The following SLFN11 variants were observed in gnomAD, a reference collection of about 807,000 sequenced individuals.
The protein encoded by SLFN11 is schlafen family member 11.
In SLFN11, 43 loss-of-function variants were observed where a neutral mutation model predicts 53.4. The observed-to-expected ratio is 0.80, with a 90% CI of 0.63 to 1.04. The LOEUF is 1.04. Ranked by LOEUF, SLFN11 falls within the 50% of genes least tolerant of loss-of-function variation. SLFN11 has a pLI of 0.00. For synonymous variants in SLFN11, 389 were observed against 394.7 expected (o/e 0.99, Z 0.17); for missense variants, 990 against 1,079.1 (o/e 0.92, Z 1.16).
chr17:35,372,547 A>T (rs1410733974), intron 1 of SLFN11, among the ~76,000 whole-genome samples: 1 of 152,092 alleles, frequency 6.6e-6, no homozygotes, highest in Non-Finnish European at 1.5e-5. Flanking sequence ...GCATGTCTGT[A>T]TCAAAACATC....
At chr17:35,372,659 G>C (rs946706478) in intron 1 of SLFN11, among the ~76,000 whole-genome samples, 1 of 151,936 alleles carries the variant, frequency 6.6e-6, no homozygotes, top group Admixed American at 6.6e-5. Flanking sequence ...TAACACAAAG[G>C]ATAAATGCTT....
In SLFN11 at chr17:35,362,803, C is replaced by G. The variant is rs1908398538; in HGVS notation, c.1005G>C (p.Glu335Asp). ...FSEAPNSWIV[E>D]DKYVCSLTTE... ...TTGTCAGGCTGCAGACGTACTTGTC[C>G]TCCACTATCCATGAATTGGGAGCTT... Residue 335 changes from glutamate (E) to aspartate (D), a missense_variant, in exon 4 of 7, where the codon GAG (glutamate) becomes GAC (aspartate). Coordinates refer to ENST00000685675, the MANE Select transcript of SLFN11 (RefSeq NM_001376007.1). 6.2e-7 allele frequency: 1 copy of G among 1,610,494 alleles called. No homozygotes were observed. The highest frequency in any genetic ancestry group is 1.3e-5 in the African/African-American group (1 of 74,766).
chr17:35,359,417 G>A (rs1245698397), intron 5 of SLFN11, among the ~76,000 whole-genome samples: 1 of 152,078 alleles, frequency 6.6e-6, no homozygotes, highest in African/African-American at 2.4e-5. Flanking sequence ...AATGATCCTT[G>A]ACAGATATTT....
rs1400434778 is a variant in SLFN11, at chr17:35,351,622, T to C, written c.*734A>G. The C allele has an allele frequency of 6.6e-6, 1 of 152,244 alleles. No individual in the cohort carries two copies. Among genetic ancestry groups the C allele is most frequent in the Non-Finnish European group, 1.5e-5 (1 of 68,048 alleles). 9.4% of individuals were successfully genotyped at this position (152,244 alleles called of 1,614,324 possible). A position where few individuals can be genotyped will look rare whatever the true frequency, so the allele number is the denominator to read the frequency against. On this transcript the variant is annotated 3_prime_UTR_variant, in exon 7 of 7. Transcript: ENST00000685675. ...AACCAGATTTTGGTCTCTAATATCA[T>C]CTTCCACTGAAAGCCAGGGCAAACA...
At position 35,363,052 on chromosome 17, in the gene SLFN11, A is replaced by G. The variant is rs1567823640; in HGVS notation, c.756T>C (p.Asp252=). The part of the protein sequence containing the change: ...GGGYLFIGVD[D]KSREVLGCAK... ...CACATCCCAGGACTTCCCTACTCTTATCATCCACTCCAATAAAAAGATAGC... is the reference window on the plus strand; with the variant it reads ...CACATCCCAGGACTTCCCTACTCTTGTCATCCACTCCAATAAAAAGATAGC... The change falls in exon 4 of 7, where the codon GAT becomes GAC. Residue 252 remains aspartate, a synonymous_variant. Coordinates refer to ENST00000685675, the MANE Select transcript of SLFN11 (RefSeq NM_001376007.1). 6.2e-7 allele frequency: 1 copy of G among 1,614,052 alleles called. No homozygotes were observed. Among genetic ancestry groups the G allele is most frequent in the Non-Finnish European group, 8.5e-7 (1 of 1,179,982 alleles).
At chr17:35,366,564 T>C (rs1908983481) in intron 3 of SLFN11, among the ~76,000 whole-genome samples, 1 of 152,086 alleles carries the variant, frequency 6.6e-6, no homozygotes, top group South Asian at 2.1e-4. Flanking sequence ...ATAAACTATT[T>C]TGAAGTCATC....
chr17:35,363,790 G>T lies in SLFN11; in HGVS notation c.18C>A (p.Cys6Ter), dbSNP rs375529130. 1 of 1,577,974 alleles carries T rather than the reference G, an allele frequency of 6.3e-7. No individual in the cohort carries two copies. Among genetic ancestry groups the T allele is most frequent in the African/African-American group, 1.4e-5 (1 of 73,224 alleles). The change falls in exon 4 of 7, where the codon TGC becomes TGA. Residue 6 changes from cysteine (C) to a stop codon, truncating the protein, a stop_gained. Coordinates refer to ENST00000685675, the MANE Select transcript of SLFN11 (RefSeq NM_001376007.1). LOFTEE classifies it high-confidence loss of function. MEANQ[C>*]PLVVEPSYPD... ...GGTAAGATGGTTCCACAACCAGGGG[G>T]CACTGATTTGCCTCCATGTTGAACT...
chr17:35,352,258 G>T lies in SLFN11; in HGVS notation c.*98C>A, dbSNP rs567151926. The T allele has an allele frequency of 4.7e-5, 69 of 1,463,192 alleles. No individual in the cohort carries two copies. In the African/African-American group the frequency reaches 8.7e-4, roughly 18 times the overall value. 90.6% of individuals were successfully genotyped at this position (1,463,192 alleles called of 1,614,324 possible). A position where few individuals can be genotyped will look rare whatever the true frequency, so the allele number is the denominator to read the frequency against. Reference sequence around the variant, plus strand: ...GCTCCAAACTCTTTGTGTCAGCTCCGTCCAAATCTCTGACTTGTGAACTAA... The same window carrying T: ...GCTCCAAACTCTTTGTGTCAGCTCCTTCCAAATCTCTGACTTGTGAACTAA... On this transcript the variant is annotated 3_prime_UTR_variant, in exon 7 of 7. Transcript: ENST00000685675.
rs1280988757 is a variant in SLFN11, at chr17:35,366,611, G to A, written c.-20+336C>T. Among the ~76,000 whole-genome samples, 2 of 151,980 alleles carry A rather than the reference G, an allele frequency of 1.3e-5. 1 individual carries two copies. The highest frequency in any genetic ancestry group is 2.9e-5 in the Non-Finnish European group (2 of 68,006). On this transcript the variant is annotated intron_variant, in intron 3 of 6. Coordinates refer to ENST00000685675, the MANE Select transcript of SLFN11 (RefSeq NM_001376007.1). ...CAATATGTAGAAGCAGACTATCACAGCCTTATTTTCCTTTCCTACAAAAAT... is the reference window on the plus strand; with the variant it reads ...CAATATGTAGAAGCAGACTATCACAACCTTATTTTCCTTTCCTACAAAAAT...
At chr17:35,371,068 T>G (rs1909586984) in intron 1 of SLFN11, among the ~76,000 whole-genome samples, 2 of 152,064 alleles carry the variant, frequency 1.3e-5, no homozygotes, top group African/African-American at 4.8e-5. Context: ...GACCTCAAAT[T>G]ATACTACAGA....
chr17:35,366,435 C>T (rs1567826778), intron 3 of SLFN11, among the ~76,000 whole-genome samples: 2 of 151,936 alleles, frequency 1.3e-5, no homozygotes, highest in African/African-American at 2.4e-5. Context: ...AAATACTTTG[C>T]ATCATTATTT....
chr17:35,357,269 T>A (rs948248153), intron 5 of SLFN11, among the ~76,000 whole-genome samples: 5 of 151,844 alleles, frequency 3.3e-5, no homozygotes, highest in Non-Finnish European at 7.4e-5. Flanking sequence ...TTTCTACTGG[T>A]CATGGTCATT....
In SLFN11 at chr17:35,367,636, T is replaced by C. The variant is rs1297220927; in HGVS notation, c.-170A>G. 1 of 152,122 alleles carries C rather than the reference T, an allele frequency of 6.6e-6. No individual in the cohort carries two copies. Among genetic ancestry groups the C allele is most frequent in the Non-Finnish European group, 1.5e-5 (1 of 68,036 alleles). The allele number at this position is 152,122 out of a possible 1,614,324, so 9.4% of individuals were successfully genotyped here. A position where few individuals can be genotyped will look rare whatever the true frequency, so the allele number is the denominator to read the frequency against. ...GTAGCCAGAGTTCCCACCAACACAG[T>C]GAATTAGCACCACCTGCTATCTCTT... On this transcript the variant is annotated 5_prime_UTR_variant, in exon 2 of 7. Transcript: ENST00000685675.
chr17:35,372,932 T>C (rs1909876025), intron 1 of SLFN11, among the ~76,000 whole-genome samples: 1 of 152,102 alleles, frequency 6.6e-6, no homozygotes, highest in African/African-American at 2.4e-5. Flanking sequence ...TTTTCTCATT[T>C]CTCCCCCCTC....
At chr17:35,372,176 C>T (rs1043392028) in intron 1 of SLFN11, among the ~76,000 whole-genome samples, 17 of 152,118 alleles carry the variant, frequency 1.1e-4, no homozygotes, top group Admixed American at 6.5e-4. Context: ...TGCAACAACA[C>T]GAATGGAACT....
Position 35,363,785 on chromosome 17 carries a change from A to G in SLFN11, c.23T>C (p.Leu8Pro), listed in dbSNP as rs142329405. ...GTCTGGGTAAGATGGTTCCACAACC[A>G]GGGGGCACTGATTTGCCTCCATGTT... MEANQCP[L>P]VVEPSYPDLV... Residue 8 changes from leucine to proline, a missense_variant, in exon 4 of 7, where the codon CTG (leucine) becomes CCG (proline). Physicochemically the swap from Leu to Pro is moderately conservative, Grantham distance 98 (BLOSUM62 -3). Around this residue, in one of 3 missense-constraint regions of SLFN11, gnomAD observed 521 missense variants for 516.2 expected, o/e 1.01. Coordinates refer to ENST00000685675, the MANE Select transcript of SLFN11 (RefSeq NM_001376007.1). The G allele has an allele frequency of 1.4e-5, 22 of 1,584,562 alleles. 1 individual carries two copies. In the Middle Eastern group the frequency reaches 1.2e-3, roughly 85 times the overall value.
intron 1 of SLFN11, among the ~76,000 whole-genome samples, chr17:35,372,359 C>CA: frequency 6.6e-6 from 1 of 151,786 alleles, no homozygotes; most frequent in African/African-American, 2.4e-5. Flanking sequence ...TTAATGGGTA[C>CA]AAAAAAATTA....
Position 35,367,036 on chromosome 17 carries a change from A to C in SLFN11, c.-109T>G, listed in dbSNP as rs1909038799. Reference sequence around the variant, plus strand: ...TGGTGAACCAAGATCGTGCCACTGCACTCCAGCCTGGGGGTCAAAGTAAGA... The same window carrying C: ...TGGTGAACCAAGATCGTGCCACTGCCCTCCAGCCTGGGGGTCAAAGTAAGA... On this transcript the variant is annotated 5_prime_UTR_variant, in exon 3 of 7. Coordinates refer to ENST00000685675, the MANE Select transcript of SLFN11 (RefSeq NM_001376007.1). 1 of 150,018 alleles carries C rather than the reference A, an allele frequency of 6.7e-6. No individual in the cohort carries two copies. 9.3% of individuals were successfully genotyped at this position (150,018 alleles called of 1,614,324 possible).
At chr17:35,358,729 C>T (rs1288107077) in intron 5 of SLFN11, among the ~76,000 whole-genome samples, 2 of 151,968 alleles carry the variant, frequency 1.3e-5, no homozygotes, top group Non-Finnish European at 2.9e-5. Context: ...TTGACACATG[C>T]TTGTATTTCT....
Sources: allele counts gnomAD v4.1 joint callset (sites outside exome capture counted in the v4.1 genomes callset), GRCh38; gene constraint gnomAD v4.1.1; regional missense constraint gnomAD v4.1.1; transcripts MANE v1.5; gene names NCBI Gene and HGNC (gene_info 2026-07-23, HGNC 2026-07-21).